KCNK2: variants seen among roughly 807,000 people sequenced by gnomAD.
KCNK2 encodes the protein potassium channel subfamily K member 2.
KCNK2 carries 21 observed loss-of-function variants against 40.5 expected under a neutral mutation model. That is an observed-to-expected ratio of 0.52 (90% CI 0.37 to 0.75). The LOEUF is 0.75. Among genes scored for constraint, KCNK2 ranks in the 30% least tolerant of loss-of-function variants. The pLI is 0.00. For missense variants in KCNK2, 399 were observed against 531.6 expected (o/e 0.75, Z 2.45); for synonymous variants, 191 against 202.2 (o/e 0.94, Z 0.47).
At chr1:215,039,905 G>T (rs1413471129) in intron 1 of KCNK2, among the ~76,000 whole-genome samples, 1 of 152,078 alleles carries the variant, frequency 6.6e-6, no homozygotes, top group Non-Finnish European at 1.5e-5. Flanking sequence ...GTTGCCTTCC[G>T]GGAGAGTGGA....
At chr1:215,218,029 C>G (rs1339140273) in intron 6 of KCNK2, among the ~76,000 whole-genome samples, 1 of 152,088 alleles carries the variant, frequency 6.6e-6, no homozygotes, top group African/African-American at 2.4e-5. Context: ...TCATAAGACC[C>G]TGGACAGTGA....
intron 5 of KCNK2, among the ~76,000 whole-genome samples, chr1:215,181,277 G>T (rs1664206107): frequency 6.6e-6 from 1 of 152,008 alleles, no homozygotes; most frequent in Non-Finnish European, 1.5e-5. Flanking sequence ...AAATTTCTTT[G>T]TGTTGATTTT....
At chr1:215,030,177 C>T (rs930054367) in intron 1 of KCNK2, among the ~76,000 whole-genome samples, 5 of 152,222 alleles carry the variant, frequency 3.3e-5, no homozygotes, top group African/African-American at 4.8e-5. Context: ...TCTTTTCATA[C>T]GCTTATTTGT....
intron 1 of KCNK2, among the ~76,000 whole-genome samples, chr1:215,021,225 G>A (rs1656774174): frequency 6.6e-6 from 1 of 152,130 alleles, no homozygotes; most frequent in African/African-American, 2.4e-5. Flanking sequence ...TTTCCTATAA[G>A]TGAACTTAAG....
intron 2 of KCNK2, among the ~76,000 whole-genome samples, chr1:215,118,786 A>G (rs1661056538): frequency 6.6e-6 from 1 of 152,180 alleles, no homozygotes; most frequent in African/African-American, 2.4e-5. Context: ...TTATACATAT[A>G]TCATTGGTAT....
intron 2 of KCNK2, among the ~76,000 whole-genome samples, chr1:215,101,133 G>A (rs1660195906): frequency 6.6e-6 from 1 of 152,004 alleles, no homozygotes; most frequent in African/African-American, 2.4e-5. Flanking sequence ...GAAAGGCTTT[G>A]TTCTATGCAT....
intron 1 of KCNK2, among the ~76,000 whole-genome samples, chr1:215,026,193 G>A (rs1656993241): frequency 6.6e-6 from 1 of 151,886 alleles, no homozygotes; most frequent in African/African-American, 2.4e-5. Flanking sequence ...TTCTTGTCAG[G>A]TGGTTGTTTG....
At chr1:215,228,959 C>G (rs1666507367) in intron 6 of KCNK2, among the ~76,000 whole-genome samples, 1 of 152,062 alleles carries the variant, frequency 6.6e-6, no homozygotes, top group African/African-American at 2.4e-5. Context: ...ATAAACCAAG[C>G]TTGTTCAACC....
intron 2 of KCNK2, among the ~76,000 whole-genome samples, chr1:215,115,100 A>G (rs780055319): frequency 1.3e-5 from 2 of 151,908 alleles, no homozygotes; most frequent in Non-Finnish European, 2.9e-5. Context: ...AGTTCTCACT[A>G]TGATTCTGGA....
intron 1 of KCNK2, among the ~76,000 whole-genome samples, chr1:215,054,464 G>T (rs1201705739): frequency 2.0e-5 from 3 of 152,174 alleles, no homozygotes; most frequent in Non-Finnish European, 4.4e-5. Context: ...GCCACATTCT[G>T]TTCAGTGTAT....
At chr1:215,193,644 A>G (rs906968613) in intron 5 of KCNK2, among the ~76,000 whole-genome samples, 5 of 152,120 alleles carry the variant, frequency 3.3e-5, no homozygotes, top group African/African-American at 1.2e-4. Flanking sequence ...AAAGCTTCTC[A>G]TGGGGCTTCC....
chr1:215,195,205 T>A, intron 6 of KCNK2, 113 bp downstream of exon 6: 2 of 886,998 alleles, frequency 2.3e-6, no homozygotes, highest in Non-Finnish European at 3.2e-6. Context: ...AATGTTAATA[T>A]TTTCTATTTG....
rs1470417740 is a variant in KCNK2, at chr1:215,083,145, C to G, written c.-241C>G. On this transcript the variant is annotated 5_prime_UTR_variant, in exon 1 of 7. Coordinates refer to ENST00000444842, the MANE Select transcript of KCNK2 (RefSeq NM_001017425.3). ...ACTTGGCCTCCGCCTCGCCCTCTGCCCAGCCCGCCGGTGTCCCCTCCTTCC... is the reference window on the plus strand; with the variant it reads ...ACTTGGCCTCCGCCTCGCCCTCTGCGCAGCCCGCCGGTGTCCCCTCCTTCC... The G allele has an allele frequency of 1.0e-5, 9 of 862,816 alleles. 1 individual carries two copies. The highest frequency in any genetic ancestry group is 1.7e-5 in the African/African-American group (1 of 59,876). The allele number at this position is 862,816 out of a possible 1,614,324, so 53.4% of individuals were successfully genotyped here. A position where few individuals can be genotyped will look rare whatever the true frequency, so the allele number is the denominator to read the frequency against.
rs190369329 is a variant in KCNK2 at position 215,085,402 on chromosome 1, T to C, written c.47-966T>C. On this transcript the variant is annotated intron_variant, in intron 1 of 6. Transcript: ENST00000444842. The stretch of plus-strand genomic sequence containing the variant: ...TCTTAGCAAGTAGAAGTCTAGTATC[T>C]CTTATATTTTTGAAAAAGAAATCCA... 2.0e-5 allele frequency among the ~76,000 whole-genome samples: 3 copies of C among 152,332 alleles called. No individual in the cohort carries two copies. The East Asian group carries it at 5.8e-4, about 29-fold the overall frequency.
intron 6 of KCNK2, among the ~76,000 whole-genome samples, chr1:215,220,942 A>T (rs1666145544): frequency 6.6e-6 from 1 of 152,234 alleles, no homozygotes; most frequent in African/African-American, 2.4e-5. Context: ...CACCCGGGTC[A>T]TCAGACAGTG....
chr1:215,209,062 A>T (rs28433384), intron 6 of KCNK2, among the ~76,000 whole-genome samples: 1 of 151,156 alleles, frequency 6.6e-6, no homozygotes, highest in Non-Finnish European at 1.5e-5. Context: ...CCTGACCTCA[A>T]GCGATCCACC....
At chr1:215,012,275 C>T (rs183283092) in intron 1 of KCNK2, among the ~76,000 whole-genome samples, 7 of 152,124 alleles carry the variant, frequency 4.6e-5, no homozygotes, top group Non-Finnish European at 1.0e-4. Context: ...CAGCCGGGTA[C>T]GAGGGTCCTA....
At chr1:215,109,781 T>C (rs1483353088) in intron 2 of KCNK2, among the ~76,000 whole-genome samples, 2 of 152,108 alleles carry the variant, frequency 1.3e-5, no homozygotes, top group Admixed American at 1.3e-4. Flanking sequence ...CTATTCAGCT[T>C]TTTGAGAATC....
intron 1 of KCNK2, 89 bp downstream of exon 1, chr1:215,083,520 C>T: frequency 1.1e-6 from 1 of 942,078 alleles, no homozygotes; most frequent in Non-Finnish European, 1.7e-6. Context: ...TGCCCCCTCT[C>T]AGCAAGCGGC....
Sources: gnomAD v4.1 joint callset for allele counts (sites outside exome capture counted in the v4.1 genomes callset) on GRCh38, gnomAD v4.1.1 for gene constraint, MANE v1.5 for transcripts, NCBI Gene and HGNC (gene_info 2026-07-23, HGNC 2026-07-21) for gene names.